CLSTN2: variants seen among roughly 807,000 people sequenced by gnomAD.
CLSTN2 encodes the protein calsyntenin-2.
A neutral mutation model predicts 101.2 loss-of-function variants in CLSTN2; 48 were observed. The ratio of observed to expected loss-of-function variants is 0.47; its 90% CI spans 0.38 to 0.60. CLSTN2 has a LOEUF of 0.60. Ranked by LOEUF, CLSTN2 falls within the 20% of genes least tolerant of loss-of-function variation. The probability of loss-of-function intolerance (pLI) is 0.00; values close to 1 mark genes in which losing one functional copy is unlikely to be tolerated. For missense variants in CLSTN2, 1,160 were observed against 1,238.2 expected, an observed-to-expected ratio of 0.94 and a Z score of 0.95; for synonymous variants, 481 against 463.6, an observed-to-expected ratio of 1.04 and a Z score of -0.48.
intron 1 of CLSTN2, among the ~76,000 whole-genome samples, chr3:140,043,188 G>A (rs1436237167): frequency 4.6e-5 from 7 of 152,190 alleles, no homozygotes; most frequent in African/African-American, 1.7e-4. Context: ...AGCACCTGTT[G>A]TTTCCTGACT....
At chr3:140,427,191 ATATATATATATATGTGT>A (rs1559866646) in intron 5 of CLSTN2, among the ~76,000 whole-genome samples, 1 of 71,826 alleles carries the variant, frequency 1.4e-5, no homozygotes, top group African/African-American at 7.0e-5. Context: ...AAAAATATAT[ATATATATATATATGTGT>A]ATATATATAT....
chr3:140,061,438 C>T (rs2008202413), intron 1 of CLSTN2, among the ~76,000 whole-genome samples: 1 of 152,142 alleles, frequency 6.6e-6, no homozygotes, highest in Non-Finnish European at 1.5e-5. Context: ...GAGGATCTCT[C>T]TGGGTTGCCC....
chr3:140,227,068 T>C (rs1353195302), intron 2 of CLSTN2, among the ~76,000 whole-genome samples: 1 of 152,152 alleles, frequency 6.6e-6, no homozygotes, highest in Non-Finnish European at 1.5e-5. Flanking sequence ...TCAAAACCAA[T>C]CATGCCTTCC....
At chr3:140,489,922 C>G (rs367780068) in intron 8 of CLSTN2, among the ~76,000 whole-genome samples, 4 of 148,784 alleles carry the variant, frequency 2.7e-5, no homozygotes, top group African/African-American at 9.9e-5. Flanking sequence ...TCTAGGGTCC[C>G]GGACAGGTAC....
chr3:140,499,791 G>A (rs548391682), intron 8 of CLSTN2, among the ~76,000 whole-genome samples: 2 of 152,254 alleles, frequency 1.3e-5, no homozygotes, highest in East Asian at 1.9e-4. Flanking sequence ...CTGGCTGGGC[G>A]CGGTGGCTCA....
At chr3:139,976,696 T>A (rs1425767323) in intron 1 of CLSTN2, among the ~76,000 whole-genome samples, 1 of 152,140 alleles carries the variant, frequency 6.6e-6, no homozygotes, top group Non-Finnish European at 1.5e-5. Context: ...AGCATACAGT[T>A]GCTACTGTGG....
At chr3:140,065,181 G>A (rs1395432390) in intron 1 of CLSTN2, among the ~76,000 whole-genome samples, 5 of 152,254 alleles carry the variant, frequency 3.3e-5, no homozygotes, top group Admixed American at 2.0e-4. Flanking sequence ...CAGATAATGA[G>A]CAGGTGGTCT....
At chr3:140,209,786 A>G (rs2010833160) in intron 2 of CLSTN2, among the ~76,000 whole-genome samples, 1 of 152,112 alleles carries the variant, frequency 6.6e-6, no homozygotes, top group Non-Finnish European at 1.5e-5. Flanking sequence ...GGCATGATGA[A>G]AGGGAGTGAA....
chr3:140,062,157 G>A (rs1359368963), intron 1 of CLSTN2, among the ~76,000 whole-genome samples: 1 of 152,106 alleles, frequency 6.6e-6, no homozygotes, highest in Non-Finnish European at 1.5e-5. Flanking sequence ...CCATGCCGTA[G>A]AGCCCCGGGT....
chr3:140,480,161 G>A (rs1319204187), intron 8 of CLSTN2, among the ~76,000 whole-genome samples: 1 of 150,342 alleles, frequency 6.7e-6, no homozygotes, highest in Admixed American at 6.7e-5. Context: ...TGTTCTCACT[G>A]TTCAGTTCCC....
intron 2 of CLSTN2, among the ~76,000 whole-genome samples, chr3:140,289,920 T>A (rs1026473367): frequency 6.6e-6 from 1 of 151,202 alleles, no homozygotes; most frequent in Non-Finnish European, 1.5e-5. Flanking sequence ...TTGAGTCAGG[T>A]GAAATTCTGT....
At chr3:140,377,718 T>G (rs1160628294) in intron 2 of CLSTN2, among the ~76,000 whole-genome samples, 1 of 152,192 alleles carries the variant, frequency 6.6e-6, no homozygotes, top group Non-Finnish European at 1.5e-5. Context: ...TAAAAAATAT[T>G]TAAAAGCTTA....
At chr3:140,146,150 T>C (rs1486949909) in intron 1 of CLSTN2, among the ~76,000 whole-genome samples, 1 of 152,154 alleles carries the variant, frequency 6.6e-6, no homozygotes, top group African/African-American at 2.4e-5. Flanking sequence ...AAAATGTGTA[T>C]GAAGGAGCAC....
intron 1 of CLSTN2, among the ~76,000 whole-genome samples, chr3:140,034,507 C>A (rs1576404148): frequency 6.6e-6 from 1 of 152,300 alleles, no homozygotes; most frequent in East Asian, 1.9e-4. Context: ...TGGGAATAAT[C>A]CGCACCCTGC....
chr3:140,268,374 T>C (rs1166746086), intron 2 of CLSTN2, among the ~76,000 whole-genome samples: 1 of 152,172 alleles, frequency 6.6e-6, no homozygotes, highest in Non-Finnish European at 1.5e-5. Flanking sequence ...TAGAAGTGAC[T>C]GAAGCTCAGT....
intron 1 of CLSTN2, among the ~76,000 whole-genome samples, chr3:139,975,495 A>G (rs1935801761): frequency 6.6e-6 from 1 of 152,214 alleles, no homozygotes; most frequent in Non-Finnish European, 1.5e-5. Context: ...ACATAGGATT[A>G]TGAGAAGTCA....
rs954158218 is a variant in CLSTN2, at chr3:140,211,338, A to G, written c.232+35265A>G. Reference sequence around the variant, plus strand: ...GGCAGGGATGAGTAATCAGTTCTCAATTCTCCATGACCAGTAGACATAAGG... The same window carrying G: ...GGCAGGGATGAGTAATCAGTTCTCAGTTCTCCATGACCAGTAGACATAAGG... On this transcript the variant is annotated intron_variant, in intron 2 of 16. Coordinates refer to ENST00000458420, the MANE Select transcript of CLSTN2 (RefSeq NM_022131.3). Among the ~76,000 whole-genome samples, 4 of 150,102 alleles carry G rather than the reference A, an allele frequency of 2.7e-5. No individual in the cohort carries two copies. In the South Asian group the frequency reaches 8.7e-4, roughly 33 times the overall value.
chr3:140,056,444 T>C (rs2008098290), intron 1 of CLSTN2, among the ~76,000 whole-genome samples: 1 of 152,204 alleles, frequency 6.6e-6, no homozygotes, highest in Non-Finnish European at 1.5e-5. Context: ...TGGGATGGCC[T>C]TGTCTGTTTC....
intron 1 of CLSTN2, among the ~76,000 whole-genome samples, chr3:139,977,207 T>TA (rs1398592377): frequency 1.3e-5 from 2 of 152,162 alleles, no homozygotes; most frequent in African/African-American, 4.8e-5. Context: ...ACATCTCTTC[T>TA]ACCAAGGAGC....
Sources: allele counts gnomAD v4.1 joint callset (sites outside exome capture counted in the v4.1 genomes callset), GRCh38; gene constraint gnomAD v4.1.1; transcripts MANE v1.5; gene names NCBI Gene and HGNC (gene_info 2026-07-23, HGNC 2026-07-21).